Variants in COL15A1 observed in about 807,000 individuals in gnomAD.
COL15A1 encodes collagen type XV alpha 1 chain.
COL15A1 carries 111 observed loss-of-function variants against 165.9 expected under a neutral mutation model. The ratio of observed to expected loss-of-function variants is 0.67; its 90% CI spans 0.57 to 0.78. The LOEUF is 0.78. Among genes scored for constraint, COL15A1 ranks in the 30% least tolerant of loss-of-function variants. COL15A1 has a pLI of 0.00. For synonymous variants in COL15A1, 659 were observed against 674.8 expected (o/e 0.98, Z 0.36); for missense variants, 1,745 against 1,789.7 (o/e 0.98, Z 0.45).
At chr9:98,944,483 C>G (rs1373978052) in intron 2 of COL15A1, among the ~76,000 whole-genome samples, 1 of 152,158 alleles carries the variant, frequency 6.6e-6, no homozygotes, top group Non-Finnish European at 1.5e-5. Context: ...TCTGGGCACC[C>G]GAGATGTCTG....
At chr9:98,980,247 G>A (rs946842115) in intron 2 of COL15A1, among the ~76,000 whole-genome samples, 1 of 152,218 alleles carries the variant, frequency 6.6e-6, no homozygotes, top group Non-Finnish European at 1.5e-5. Flanking sequence ...TTGGTTACTG[G>A]GAAGACAGAT....
intron 9 of COL15A1, among the ~76,000 whole-genome samples, chr9:99,012,842 G>T (rs958216106): frequency 6.6e-6 from 1 of 150,692 alleles, no homozygotes; most frequent in Non-Finnish European, 1.5e-5. Context: ...GTCTTGAGTA[G>T]CTGGGACTAC....
intron 28 of COL15A1, among the ~76,000 whole-genome samples, chr9:99,048,809 G>A (rs1031145452): frequency 6.0e-5 from 9 of 150,662 alleles, no homozygotes; most frequent in Middle Eastern, 3.4e-3. Flanking sequence ...TACTATGCAG[G>A]GATCTTGTTT....
chr9:99,000,164 G>A (rs1418398706), intron 6 of COL15A1, among the ~76,000 whole-genome samples: 1 of 152,226 alleles, frequency 6.6e-6, no homozygotes, highest in Admixed American at 6.5e-5. Context: ...TTTTTAAATT[G>A]CAAAAGAAAT....
intron 2 of COL15A1, among the ~76,000 whole-genome samples, chr9:98,957,164 G>A (rs779218182): frequency 4.8e-4 from 73 of 152,292 alleles, no homozygotes; most frequent in Non-Finnish European, 7.9e-4. Context: ...CATCACAAGC[G>A]TCCTCAAAAG....
intron 2 of COL15A1, among the ~76,000 whole-genome samples, chr9:98,952,883 T>G (rs1178453068): frequency 6.6e-6 from 1 of 152,286 alleles, no homozygotes; most frequent in Non-Finnish European, 1.5e-5. Flanking sequence ...CACTTTCTTG[T>G]GCTAATATGT....
In COL15A1 at chr9:99,015,170, A is replaced by G. The variant is rs183764396; in HGVS notation, c.1354-247A>G. On this transcript the variant is annotated intron_variant, in intron 9 of 41. Transcript: ENST00000375001. Reference sequence around the variant, plus strand: ...AGATTTATTTTCCTTTCACAAAGCTAAGGCCAGAGAAGTGCTTAGCAGAGA... The same window carrying G: ...AGATTTATTTTCCTTTCACAAAGCTGAGGCCAGAGAAGTGCTTAGCAGAGA... 2.3e-3 allele frequency among the ~76,000 whole-genome samples: 343 copies of G among 152,122 alleles called. 1 individual carries two copies. The highest frequency in any genetic ancestry group is 7.7e-3 in the African/African-American group (320 of 41,486).
chr9:99,052,513 C>T lies in COL15A1; in HGVS notation c.2950+80C>T, dbSNP rs914493712. On this transcript the variant is annotated intron_variant, in intron 31 of 41. Transcript: ENST00000375001. ...TGGTTTTCCTTTGCCCAGTGCAGGG[C>T]GCAGACTAGGTGGTCAGGAAGGTCT... 8.0e-5 allele frequency: 94 copies of T among 1,181,948 alleles called. No individual in the cohort carries two copies. The East Asian group carries it at 1.1e-3, about 14-fold the overall frequency. The allele number at this position is 1,181,948 out of a possible 1,614,324, so 73.2% of individuals were successfully genotyped here.
chr9:98,966,294 C>T (rs538648481), intron 2 of COL15A1, among the ~76,000 whole-genome samples: 1 of 152,330 alleles, frequency 6.6e-6, no homozygotes, highest in Non-Finnish European at 1.5e-5. Context: ...TTAAAATACT[C>T]TTTCAAGCTC....
intron 8 of COL15A1, 119 bp downstream of exon 8, chr9:99,003,706 G>C: frequency 8.7e-7 from 1 of 1,144,146 alleles, no homozygotes; most frequent in Non-Finnish European, 1.2e-6. Context: ...AGTCTCATGG[G>C]GGCAGTCTGT....
At chr9:99,007,131 G>A (rs971459249) in intron 9 of COL15A1, among the ~76,000 whole-genome samples, 15 of 146,076 alleles carry the variant, frequency 1.0e-4, no homozygotes, top group African/African-American at 3.7e-4. Flanking sequence ...AGAGACAAAC[G>A]CTTGCATTCT....
intron 2 of COL15A1, among the ~76,000 whole-genome samples, chr9:98,966,102 T>A (rs1837952016): frequency 6.6e-6 from 1 of 152,164 alleles, no homozygotes; most frequent in East Asian, 1.9e-4. Context: ...CTCCTGACTC[T>A]TCTTCTGGGA....
chr9:99,016,136 T>C lies in COL15A1; in HGVS notation c.1647+17T>C, dbSNP rs755287764. 2 of 1,587,360 alleles carry C rather than the reference T, an allele frequency of 1.3e-6. No individual in the cohort carries two copies. Among genetic ancestry groups the C allele is most frequent in the Admixed American group, 3.6e-5 (2 of 55,942 alleles). On this transcript the variant is annotated intron_variant, in intron 11 of 41. Transcript: ENST00000375001. ...ATCACTCCAGTAAGTGGCATAGAGC[T>C]GTAAGATTTGACTTGGCAGACCTTA... is the stretch of plus-strand genomic sequence containing the variant.
At position 99,016,119 on chromosome 9, in the gene COL15A1, A is replaced by G. The variant is rs1838931341; in HGVS notation, c.1647A>G (p.Pro549=). Residue 549 remains proline, a splice_region_variant and synonymous_variant, in exon 11 of 42, where the codon CCA becomes CCG. Transcript: ENST00000375001. ...TGGCTCCTGAAAGATGGATCACTCCAGTAAGTGGCATAGAGCTGTAAGATT... is the reference window on the plus strand; with the variant it reads ...TGGCTCCTGAAAGATGGATCACTCCGGTAAGTGGCATAGAGCTGTAAGATT... ...PTVAPERWIT[P]AQREHVGMKG... is the part of the protein sequence containing the mutation. 6.2e-7 allele frequency: 1 copy of G among 1,608,174 alleles called. No homozygotes were observed. The highest frequency in any genetic ancestry group is 1.3e-5 in the African/African-American group (1 of 74,738).
chr9:99,028,052 C>A (rs1477273811), intron 16 of COL15A1, among the ~76,000 whole-genome samples: 1 of 152,198 alleles, frequency 6.6e-6, no homozygotes, highest in Non-Finnish European at 1.5e-5. Context: ...TGACAAGGAA[C>A]TCATCTCCTG....
chr9:99,014,242 G>T (rs1426347641), intron 9 of COL15A1, among the ~76,000 whole-genome samples: 1 of 152,162 alleles, frequency 6.6e-6, no homozygotes, highest in Non-Finnish European at 1.5e-5. Context: ...ACTAGAGATA[G>T]GTCTTAGGCA....
chr9:98,961,142 A>G (rs554956065), intron 2 of COL15A1, among the ~76,000 whole-genome samples: 1 of 152,264 alleles, frequency 6.6e-6, no homozygotes, highest in Non-Finnish European at 1.5e-5. Context: ...TCATTCATCC[A>G]TTTGTTTACC....
At chr9:99,029,414 C>T (rs10988595) in intron 16 of COL15A1, among the ~76,000 whole-genome samples, 1 of 152,146 alleles carries the variant, frequency 6.6e-6, no homozygotes, top group Admixed American at 6.5e-5. Flanking sequence ...TTCCCTTTCT[C>T]CAAGCAATCC....
chr9:99,034,780 T>C (rs747499775), intron 17 of COL15A1, among the ~76,000 whole-genome samples, 196 bp downstream of exon 17: 1 of 152,072 alleles, frequency 6.6e-6, no homozygotes, highest in Non-Finnish European at 1.5e-5. Context: ...CACACTTCAA[T>C]GTTTTCTCCT....
Sources: allele counts gnomAD v4.1 joint callset (sites outside exome capture counted in the v4.1 genomes callset), GRCh38; gene constraint gnomAD v4.1.1; transcripts MANE v1.5; gene names NCBI Gene and HGNC (gene_info 2026-07-23, HGNC 2026-07-21).